The following NRXN3 variants were observed in gnomAD, a reference collection of about 807,000 sequenced individuals.
NRXN3 encodes neurexin III.
NRXN3 carries 32 observed loss-of-function variants against 137.6 expected under a neutral mutation model. The observed-to-expected ratio is 0.23, with a 90% confidence interval of 0.18 to 0.31. The LOEUF (loss-of-function observed/expected upper bound fraction) is 0.31. Among genes scored for constraint, NRXN3 ranks in the 10% least tolerant of loss-of-function variants. NRXN3 has a pLI of 1.00. For missense variants in NRXN3, 1,574 were observed against 2,062.5 expected, an observed-to-expected ratio of 0.76 and a Z score of 4.59; for synonymous variants, 798 against 784.5, an observed-to-expected ratio of 1.02 and a Z score of -0.29.
Position 79,450,159 on chromosome 14 carries a change from G to A in NRXN3, c.3263-17062G>A, listed in dbSNP as rs539318594. 1.6e-4 allele frequency among the ~76,000 whole-genome samples: 24 copies of A among 151,782 alleles called. No homozygotes were observed. In the South Asian group the frequency reaches 5.0e-3, roughly 32 times the overall value. On this transcript the variant is annotated intron_variant, in intron 15 of 20. Transcript: ENST00000335750. ...TAGAGTAATTCTTACTTCCCAAACA[G>A]CATCCTTAAGTGACAGAGTGCAAAT... is the stretch of plus-strand genomic sequence containing the variant.
chr14:79,749,540 T>A (rs974394420), intron 19 of NRXN3, among the ~76,000 whole-genome samples: 4 of 152,026 alleles, frequency 2.6e-5, no homozygotes, highest in Non-Finnish European at 5.9e-5. Flanking sequence ...AATCTGGGAT[T>A]ATAGGAGTGA....
At chr14:79,820,632 A>T (rs10144662) in intron 20 of NRXN3, among the ~76,000 whole-genome samples, 137,340 of 152,212 alleles carry the variant, frequency 0.9, 62,016 homozygotes, top group East Asian at 1. Context: ...CAGTATCAAA[A>T]AATTATCTTT....
intron 15 of NRXN3, among the ~76,000 whole-genome samples, chr14:79,455,831 A>G (rs971445977): frequency 6.7e-6 from 1 of 150,160 alleles, no homozygotes; most frequent in African/African-American, 2.5e-5. Flanking sequence ...TTTAACTTTT[A>G]TATTATTTCA....
intron 10 of NRXN3, among the ~76,000 whole-genome samples, chr14:78,874,603 G>T (rs2099109398): frequency 1.3e-5 from 2 of 152,094 alleles, no homozygotes; most frequent in Non-Finnish European, 2.9e-5. Flanking sequence ...ATCATGTATA[G>T]TCTTGAGACT....
In NRXN3 at chr14:78,760,034, CTTTTTTTTTTTTT is replaced by C. The variant is rs61320632; in HGVS notation, c.2045-43574_2045-43562del. Among the ~76,000 whole-genome samples the C allele has an allele frequency of 2.6e-3, 223 of 86,740 alleles. 1 individual carries two copies. The highest frequency in any genetic ancestry group is 3.8e-3 in the Admixed American group (29 of 7,680). The allele number at this position is 86,740 out of a possible 152,430, so 56.9% of individuals were successfully genotyped here. Reference sequence around the variant, plus strand: ...AAAGCCAGGACCCAGAGCCTGCAGTCTTTTTTTTTTTTTTTTTTTTTTTTGAGACGGAGTTTCG... The same window carrying C: ...AAAGCCAGGACCCAGAGCCTGCAGTCTTTTTTTTTTTGAGACGGAGTTTCG... On this transcript the variant is annotated intron_variant, in intron 8 of 20. Transcript: ENST00000335750.
intron 10 of NRXN3, among the ~76,000 whole-genome samples, chr14:78,886,921 CTG>C (rs2099145511): frequency 6.6e-6 from 1 of 152,080 alleles, no homozygotes; most frequent in African/African-American, 2.4e-5. Flanking sequence ...AACCTAAGAT[CTG>C]TGTTATGGTA....
At chr14:78,405,999 T>C (rs2092460568) in intron 4 of NRXN3, among the ~76,000 whole-genome samples, 3 of 152,128 alleles carry the variant, frequency 2.0e-5, no homozygotes, top group African/African-American at 7.2e-5. Flanking sequence ...ATGCCTAACA[T>C]TGCAGGTAGT....
intron 15 of NRXN3, among the ~76,000 whole-genome samples, chr14:79,186,977 G>A (rs1475046711): frequency 6.6e-6 from 1 of 152,106 alleles, no homozygotes. Context: ...TGATCTATAT[G>A]TTATATGGAC....
At chr14:79,263,577 G>A (rs951673078) in intron 15 of NRXN3, among the ~76,000 whole-genome samples, 3 of 152,098 alleles carry the variant, frequency 2.0e-5, no homozygotes, top group African/African-American at 7.2e-5. Context: ...GCCTTTCTAG[G>A]ATTTGAATTT....
intron 16 of NRXN3, among the ~76,000 whole-genome samples, chr14:79,590,956 T>G (rs2097797915): frequency 6.6e-6 from 1 of 152,208 alleles, no homozygotes; most frequent in African/African-American, 2.4e-5. Context: ...TCTCAGAACC[T>G]TAGCTCCAAC....
intron 17 of NRXN3, among the ~76,000 whole-genome samples, chr14:79,680,485 G>C (rs977567358): frequency 1.3e-5 from 2 of 151,906 alleles, no homozygotes; most frequent in African/African-American, 4.8e-5. Context: ...GTCTAGTTTT[G>C]ATCTTTAATG....
At chr14:78,307,783 A>G (rs2077518781) in intron 4 of NRXN3, among the ~76,000 whole-genome samples, 1 of 152,138 alleles carries the variant, frequency 6.6e-6, no homozygotes, top group Admixed American at 6.6e-5. Context: ...CGATGACATG[A>G]AACCTAATCC....
chr14:79,699,821 T>C (rs1444367736), intron 19 of NRXN3, among the ~76,000 whole-genome samples: 1 of 152,024 alleles, frequency 6.6e-6, no homozygotes, highest in Non-Finnish European at 1.5e-5. Context: ...CTTTTCCTTT[T>C]ACTTCCACCA....
chr14:79,521,893 C>T (rs1403294094), intron 16 of NRXN3, among the ~76,000 whole-genome samples: 1 of 152,072 alleles, frequency 6.6e-6, no homozygotes, highest in Non-Finnish European at 1.5e-5. Flanking sequence ...TCCCAGTGTT[C>T]CTGAAGGTAA....
intron 4 of NRXN3, among the ~76,000 whole-genome samples, chr14:78,464,727 A>G (rs2095045356): frequency 6.6e-6 from 1 of 152,206 alleles, no homozygotes; most frequent in African/African-American, 2.4e-5. Flanking sequence ...ATAAAACTGT[A>G]AAATGCTTCA....
intron 15 of NRXN3, among the ~76,000 whole-genome samples, chr14:79,315,069 A>G (rs1432619464): frequency 6.6e-6 from 1 of 152,150 alleles, no homozygotes; most frequent in Non-Finnish European, 1.5e-5. Context: ...GTGAGTTACG[A>G]TGGAATTCCC....
chr14:78,532,403 G>A (rs998448353), intron 4 of NRXN3, among the ~76,000 whole-genome samples: 1 of 151,466 alleles, frequency 6.6e-6, no homozygotes, highest in South Asian at 2.1e-4. Context: ...GTGTGTGTGT[G>A]TGTGTGTGTG....
chr14:78,936,423 C>T (rs1481279768), intron 10 of NRXN3, among the ~76,000 whole-genome samples: 1 of 151,812 alleles, frequency 6.6e-6, no homozygotes, highest in Admixed American at 6.6e-5. Context: ...ATAAAAGACG[C>T]CAGAGGAAAA....
chr14:78,520,039 G>A (rs1450921078), intron 4 of NRXN3, among the ~76,000 whole-genome samples: 1 of 152,182 alleles, frequency 6.6e-6, no homozygotes, highest in South Asian at 2.1e-4. Context: ...ACAGTTGGGG[G>A]TGGACCTCTC....
Sources: gnomAD v4.1 joint callset for allele counts (sites outside exome capture counted in the v4.1 genomes callset) on GRCh38, gnomAD v4.1.1 for gene constraint, MANE v1.5 for transcripts, NCBI Gene and HGNC (gene_info 2026-07-23, HGNC 2026-07-21) for gene names.